Variants in LEKR1 observed in about 807,000 individuals in gnomAD.
LEKR1 encodes leucine, glutamate and lysine rich 1, also known as protein LEKR1.
In LEKR1, 59 loss-of-function variants were observed where a neutral mutation model predicts 72.4. That is an observed-to-expected ratio of 0.82 (90% CI 0.66 to 1.01). The LOEUF is 1.01. LEKR1 is among the 50% of genes least tolerant of loss of function. The pLI, the probability that LEKR1 is intolerant of heterozygous loss-of-function variation, is 0.00. For missense variants in LEKR1, 728 were observed against 759.2 expected, an observed-to-expected ratio of 0.96 and a Z score of 0.48; for synonymous variants, 257 against 263.2, an observed-to-expected ratio of 0.98 and a Z score of 0.23.
At chr3:156,920,888 T>G in intron 4 of LEKR1, 194 bp downstream of exon 4, 1 of 391,036 alleles carries the variant, frequency 2.6e-6, no homozygotes. Flanking sequence ...AAATTTAAAT[T>G]AGGCATATAC....
At chr3:156,870,829 T>G (rs1038971313) in intron 3 of LEKR1, among the ~76,000 whole-genome samples, 1 of 152,112 alleles carries the variant, frequency 6.6e-6, no homozygotes, top group Non-Finnish European at 1.5e-5. Context: ...ATATGGCCTT[T>G]ATGTTGAGAT....
intron 5 of LEKR1, 40 bp from the exon 6 acceptor site, chr3:156,942,489 C>T: frequency 1.5e-6 from 1 of 665,530 alleles, no homozygotes; most frequent in Non-Finnish European, 2.1e-6. Context: ...TTTTATGATT[C>T]AATTATTGGC....
intron 6 of LEKR1, among the ~76,000 whole-genome samples, chr3:156,945,908 G>A (rs1726634741): frequency 6.6e-6 from 1 of 151,466 alleles, no homozygotes; most frequent in Non-Finnish European, 1.5e-5. Flanking sequence ...TGTTATTTTT[G>A]TTCAGTATAG....
intron 6 of LEKR1, 112 bp downstream of exon 6, chr3:156,942,826 G>A: frequency 2.4e-6 from 1 of 411,786 alleles, no homozygotes; most frequent in Non-Finnish European, 4.2e-6. Flanking sequence ...ATTTTGAGTT[G>A]CAAATATGCC....
chr3:156,876,869 G>A (rs1718660448), intron 3 of LEKR1, among the ~76,000 whole-genome samples: 1 of 152,160 alleles, frequency 6.6e-6, no homozygotes, highest in Admixed American at 6.5e-5. Context: ...TTGAATAGAA[G>A]TGATGAAAGT....
intron 9 of LEKR1, among the ~76,000 whole-genome samples, chr3:156,994,729 C>G (rs76511476): frequency 0.089 from 13,588 of 152,242 alleles, 680 homozygotes; most frequent in African/African-American, 0.12. Context: ...AAAAGACACA[C>G]ATCATACATC....
chr3:156,846,318 C>T (rs344091), intron 2 of LEKR1, among the ~76,000 whole-genome samples: 23,844 of 151,982 alleles, frequency 0.16, 2,139 homozygotes, highest in South Asian at 0.25. Flanking sequence ...CCCCTTCTTG[C>T]ATTGTTGCTC....
At chr3:156,874,068 G>T (rs1718283808) in intron 3 of LEKR1, among the ~76,000 whole-genome samples, 1 of 151,972 alleles carries the variant, frequency 6.6e-6, no homozygotes, top group Non-Finnish European at 1.5e-5. Flanking sequence ...GTGTTCATCT[G>T]TTATTTTGTT....
At chr3:156,909,195 A>G (rs1722862227) in intron 3 of LEKR1, among the ~76,000 whole-genome samples, 1 of 151,956 alleles carries the variant, frequency 6.6e-6, no homozygotes, top group Non-Finnish European at 1.5e-5. Context: ...AGTCAATTAA[A>G]CCTCTTTCTT....
In LEKR1 at chr3:156,946,046, G is replaced by A. The variant is rs554131794; in HGVS notation, c.745+3332G>A. ...ATCTGTAGATTGCTTTGGGTAGTAT[G>A]GACATTTTAATAATATTGATTTTTC... On this transcript the variant is annotated intron_variant, in intron 6 of 12. Coordinates refer to ENST00000356539, the MANE Select transcript of LEKR1 (RefSeq NM_001004316.3). Among the ~76,000 whole-genome samples, 22 of 151,630 alleles carry A rather than the reference G, an allele frequency of 1.5e-4. No homozygotes were observed. The East Asian group carries it at 4.3e-3, about 29-fold the overall frequency.
intron 3 of LEKR1, 101 bp downstream of exon 3, chr3:156,853,083 A>G (rs1715596340): frequency 3.1e-6 from 2 of 655,200 alleles, no homozygotes; most frequent in East Asian, 2.8e-5. Context: ...TACATCAGGT[A>G]TAGTTTATAC....
intron 6 of LEKR1, chr3:156,977,850 G>A (rs1261386240): frequency 4.9e-6 from 1 of 205,512 alleles, no homozygotes; most frequent in Non-Finnish European, 1.1e-5. Context: ...ACCTCAACAT[G>A]ACTCCCTACT....
intron 11 of LEKR1, 39 bp downstream of exon 11, chr3:157,024,963 GA>G: frequency 2.2e-6 from 3 of 1,375,168 alleles, no homozygotes; most frequent in Non-Finnish European, 3.0e-6. Flanking sequence ...TAATAGATTT[GA>G]AACTGCAGAT....
intron 6 of LEKR1, 136 bp downstream of exon 6, chr3:156,942,850 C>A: frequency 2.8e-6 from 1 of 354,932 alleles, no homozygotes; most frequent in South Asian, 2.3e-5. Flanking sequence ...TTATTAGTAT[C>A]ACTATGGTGA....
At chr3:157,013,280 A>G (rs1733050288) in intron 10 of LEKR1, among the ~76,000 whole-genome samples, 1 of 152,078 alleles carries the variant, frequency 6.6e-6, no homozygotes, top group Non-Finnish European at 1.5e-5. Context: ...CCATCTCCAT[A>G]TTCACACCCC....
At chr3:156,854,267 A>C (rs1260815745) in intron 3 of LEKR1, among the ~76,000 whole-genome samples, 2 of 147,928 alleles carry the variant, frequency 1.4e-5, no homozygotes, top group Non-Finnish European at 3.0e-5. Flanking sequence ...CGTCAGCCTC[A>C]CAAGTAGCTG....
At chr3:156,870,849 C>G (rs899056971) in intron 3 of LEKR1, among the ~76,000 whole-genome samples, 6 of 152,044 alleles carry the variant, frequency 3.9e-5, no homozygotes, top group Non-Finnish European at 5.9e-5. Flanking sequence ...TATGTTCCTT[C>G]TATGCCTAGT....
intron 10 of LEKR1, among the ~76,000 whole-genome samples, chr3:157,014,227 C>A (rs967271800): frequency 3.3e-5 from 5 of 151,964 alleles, no homozygotes; most frequent in African/African-American, 1.2e-4. Context: ...AAATTCTAAG[C>A]AAATATTTTC....
intron 6 of LEKR1, among the ~76,000 whole-genome samples, chr3:156,943,709 G>T (rs561114365): frequency 6.6e-6 from 1 of 151,898 alleles, no homozygotes; most frequent in East Asian, 1.9e-4. Context: ...AGAAGAGAAG[G>T]AAGTCAGAAA....
Sources: gnomAD v4.1 joint callset for allele counts (sites outside exome capture counted in the v4.1 genomes callset) on GRCh38, gnomAD v4.1.1 for gene constraint, MANE v1.5 for transcripts, NCBI Gene and HGNC (gene_info 2026-07-23, HGNC 2026-07-21) for gene names.